Variants in ANTXR2 observed in about 807,000 individuals in gnomAD.
ANTXR2 encodes anthrax toxin receptor 2.
In ANTXR2, 44 loss-of-function variants were observed where a neutral mutation model predicts 73.7. That is an observed-to-expected ratio of 0.60 (90% CI 0.47 to 0.77). The LOEUF (loss-of-function observed/expected upper bound fraction) is 0.77. Ranked by LOEUF, ANTXR2 falls within the 30% of genes least tolerant of loss-of-function variation. The probability of loss-of-function intolerance (pLI) is 0.00; values close to 1 mark genes in which losing one functional copy is unlikely to be tolerated. For synonymous variants in ANTXR2, 217 were observed against 205.9 expected (o/e 1.05, Z -0.46); for missense variants, 604 against 592.5 (o/e 1.02, Z -0.20).
At chr4:80,029,873 G>A (rs1344487331) in intron 10 of ANTXR2, among the ~76,000 whole-genome samples, 1 of 151,780 alleles carries the variant, frequency 6.6e-6, no homozygotes, top group African/African-American at 2.4e-5. Flanking sequence ...TGAGTAGAAA[G>A]AGCAAATAGA....
intron 16 of ANTXR2, among the ~76,000 whole-genome samples, chr4:79,960,941 T>G (rs1350450615): frequency 6.6e-6 from 1 of 151,974 alleles, no homozygotes; most frequent in Non-Finnish European, 1.5e-5. Context: ...ATAAGTACAT[T>G]TTTAGGAATA....
chr4:79,923,701 A>T (rs1727676039), intron 16 of ANTXR2, among the ~76,000 whole-genome samples: 1 of 152,126 alleles, frequency 6.6e-6, no homozygotes, highest in Admixed American at 6.6e-5. Context: ...ACATATAATG[A>T]AGTAGTGAAA....
intron 16 of ANTXR2, among the ~76,000 whole-genome samples, chr4:79,977,084 T>C (rs891408878): frequency 2.6e-5 from 4 of 152,244 alleles, no homozygotes; most frequent in Non-Finnish European, 5.9e-5. Flanking sequence ...AATATATACA[T>C]ATCCATATGT....
intron 12 of ANTXR2, 126 bp from the exon 13 acceptor site, chr4:79,984,989 A>C: frequency 1.4e-6 from 1 of 732,754 alleles, no homozygotes; most frequent in Non-Finnish European, 2.3e-6. Context: ...GAAGCTTGCC[A>C]CCCAATATTT....
intron 16 of ANTXR2, among the ~76,000 whole-genome samples, chr4:79,919,357 T>C (rs1444147604): frequency 1.3e-5 from 2 of 152,166 alleles, no homozygotes. Context: ...AGTTATATAA[T>C]GTGATGGTTA....
intron 10 of ANTXR2, among the ~76,000 whole-genome samples, chr4:80,020,803 T>C (rs535926723): frequency 1.3e-5 from 2 of 152,232 alleles, no homozygotes; most frequent in Non-Finnish European, 1.5e-5. Flanking sequence ...AATCAAAATA[T>C]AGAAATACTT....
At chr4:80,057,968 T>C (rs1382948446) in intron 3 of ANTXR2, among the ~76,000 whole-genome samples, 1 of 152,060 alleles carries the variant, frequency 6.6e-6, no homozygotes, top group African/African-American at 2.4e-5. Flanking sequence ...ATCTAAAATA[T>C]TTACGTTTGA....
At chr4:80,016,596 A>C (rs545828667) in intron 11 of ANTXR2, among the ~76,000 whole-genome samples, 1 of 152,310 alleles carries the variant, frequency 6.6e-6, no homozygotes, top group South Asian at 2.1e-4. Context: ...CCTCTCTCAG[A>C]ACTCCAGACT....
chr4:79,908,340 GTTTTAGA>G (rs1383587656), intron 16 of ANTXR2, among the ~76,000 whole-genome samples: 4 of 152,070 alleles, frequency 2.6e-5, no homozygotes, highest in African/African-American at 7.2e-5. Flanking sequence ...CTCTCAAAGT[GTTTTAGA>G]TTTTAGAGTG....
intron 1 of ANTXR2, among the ~76,000 whole-genome samples, 194 bp from the exon 2 acceptor site, chr4:80,071,848 C>CG (rs1734802203): frequency 7.0e-6 from 1 of 142,898 alleles, no homozygotes; most frequent in African/African-American, 2.6e-5. Context: ...AAGACTCCGT[C>CG]AAAAAAAAAA....
chr4:79,931,983 A>C (rs1728077331), intron 16 of ANTXR2, among the ~76,000 whole-genome samples: 1 of 152,204 alleles, frequency 6.6e-6, no homozygotes, highest in African/African-American at 2.4e-5. Context: ...TTAATGTACC[A>C]AAATATGCCG....
At chr4:80,007,553 T>C (rs938976766) in intron 12 of ANTXR2, among the ~76,000 whole-genome samples, 1 of 152,166 alleles carries the variant, frequency 6.6e-6, no homozygotes, top group Non-Finnish European at 1.5e-5. Context: ...AGGTTCAGGA[T>C]CTTGAGATGG....
intron 16 of ANTXR2, among the ~76,000 whole-genome samples, chr4:79,973,981 T>C (rs543701858): frequency 2.6e-4 from 39 of 152,300 alleles, no homozygotes; most frequent in African/African-American, 9.4e-4. Flanking sequence ...GTGAAGAATC[T>C]GTGGTTGGTT....
intron 16 of ANTXR2, among the ~76,000 whole-genome samples, chr4:79,933,821 G>T (rs1257225947): frequency 4.2e-5 from 6 of 144,156 alleles, no homozygotes; most frequent in Non-Finnish European, 9.0e-5. Flanking sequence ...TGCAAGCTCC[G>T]CCTCCTGGGT....
intron 16 of ANTXR2, among the ~76,000 whole-genome samples, chr4:79,927,275 T>C (rs1355680398): frequency 1.4e-5 from 2 of 138,404 alleles, no homozygotes; most frequent in African/African-American, 5.2e-5. Context: ...GCAAAGAGAG[T>C]AGATTTTAGG....
At chr4:80,019,347 G>A (rs905334163) in intron 10 of ANTXR2, among the ~76,000 whole-genome samples, 2 of 152,120 alleles carry the variant, frequency 1.3e-5, no homozygotes, top group East Asian at 1.9e-4. Context: ...AGCCCGGGCC[G>A]ACAACAGCGA....
At chr4:80,007,799 G>A (rs1028522178) in intron 12 of ANTXR2, among the ~76,000 whole-genome samples, 1 of 152,156 alleles carries the variant, frequency 6.6e-6, no homozygotes, top group Non-Finnish European at 1.5e-5. Context: ...AGAGCATTCA[G>A]AAAGAAACAC....
At chr4:79,995,246 C>T (rs1730671584) in intron 12 of ANTXR2, among the ~76,000 whole-genome samples, 1 of 151,790 alleles carries the variant, frequency 6.6e-6, no homozygotes, top group African/African-American at 2.4e-5. Flanking sequence ...TGTCATCATG[C>T]CTAATAAAGT....
At chr4:79,958,573 C>A (rs1462071493) in intron 16 of ANTXR2, among the ~76,000 whole-genome samples, 3 of 152,064 alleles carry the variant, frequency 2.0e-5, no homozygotes, top group Non-Finnish European at 1.5e-5. Flanking sequence ...TCATTTCAGG[C>A]TGTGAAAAAC....
Sources: allele counts gnomAD v4.1 joint callset (sites outside exome capture counted in the v4.1 genomes callset), GRCh38; gene constraint gnomAD v4.1.1; transcripts MANE v1.5; gene names NCBI Gene and HGNC (gene_info 2026-07-23, HGNC 2026-07-21).